Variants in GTF3C1 observed in about 807,000 individuals in gnomAD.
The protein encoded by GTF3C1 is general transcription factor 3C polypeptide 1.
In GTF3C1, 57 loss-of-function variants were observed where a neutral mutation model predicts 226.7. The ratio of observed to expected loss-of-function variants is 0.25; its 90% CI spans 0.20 to 0.31. The LOEUF (loss-of-function observed/expected upper bound fraction) is 0.31. GTF3C1 is among the 10% of genes least tolerant of loss of function. GTF3C1 has a pLI of 1.00. For synonymous variants in GTF3C1, 1,090 were observed against 1,084.8 expected, an observed-to-expected ratio of 1.00 and a Z score of -0.09; for missense variants, 2,217 against 2,776.1, an observed-to-expected ratio of 0.80 and a Z score of 4.53.
rs1406262727 is a variant in GTF3C1, at chr16:27,462,012, G to A, written c.6117+282C>T. On this transcript the variant is annotated intron_variant, in intron 36 of 36. Transcript: ENST00000356183. This position sits in a 1 kb window ranked among gnomAD's most constrained non-coding sequence, Gnocchi z 4.5. The stretch of plus-strand genomic sequence containing the variant: ...GCACCAGGGGGCAGCTGCTTGACCC[G>A]TGGGGCCCGGCGGACTCATGAGTTA... The A allele has an allele frequency of 9.0e-6, 4 of 445,894 alleles. No homozygotes were observed. Among genetic ancestry groups the A allele is most frequent in the East Asian group, 7.0e-5 (2 of 28,520 alleles). 27.6% of individuals were successfully genotyped at this position (445,894 alleles called of 1,614,324 possible). A position where few individuals can be genotyped will look rare whatever the true frequency, so the allele number is the denominator to read the frequency against.
intron 6 of GTF3C1, among the ~76,000 whole-genome samples, chr16:27,526,764 C>T (rs987581520): frequency 2.6e-5 from 4 of 152,202 alleles, no homozygotes; most frequent in Non-Finnish European, 5.9e-5. Context: ...CTCTTATATC[C>T]CTTTTCATCA....
At chr16:27,466,826 C>T (rs1416170859) in intron 32 of GTF3C1, among the ~76,000 whole-genome samples, 1 of 152,210 alleles carries the variant, frequency 6.6e-6, no homozygotes, top group Non-Finnish European at 1.5e-5. Flanking sequence ...TAGATCAAAC[C>T]AGCCACAACC....
Position 27,464,834 on chromosome 16 carries a change from G to T in GTF3C1, c.5358C>A (p.Ala1786=). ...RTRTFADCIQ[A]LLEQHQVLEV... ...CCAGCACCTGATGCTGCTCCAGGAG[G>T]GCCTGGGGAGGCAGGAGACACGCGG... The change falls in exon 34 of 37, where the codon GCC becomes GCA. Residue 1786 remains alanine (A), a splice_region_variant and synonymous_variant. Transcript: ENST00000356183. 6.7e-7 allele frequency: 1 copy of T among 1,503,718 alleles called. No individual in the cohort carries two copies. The highest frequency in any genetic ancestry group is 8.8e-7 in the Non-Finnish European group (1 of 1,135,324). 93.1% of individuals were successfully genotyped at this position (1,503,718 alleles called of 1,614,324 possible).
Position 27,492,906 on chromosome 16 carries a change from G to A in GTF3C1, c.2877-193C>T, listed in dbSNP as rs150713909. Among the ~76,000 whole-genome samples the A allele has an allele frequency of 0.012, 1,808 of 152,144 alleles. 31 individuals are homozygous for A. The highest frequency in any genetic ancestry group is 0.041 in the African/African-American group (1,712 of 41,490). ...CCTAACACCCAACCAGGGCCACAGAGATCAACCCGACACTAGGGATTTGAT... is the reference window on the plus strand; with the variant it reads ...CCTAACACCCAACCAGGGCCACAGAAATCAACCCGACACTAGGGATTTGAT... On this transcript the variant is annotated intron_variant, in intron 17 of 36. Transcript: ENST00000356183. This position sits in a 1 kb window ranked among gnomAD's most constrained non-coding sequence, Gnocchi z 5.0.
At chr16:27,519,781 C>T (rs2088717397) in intron 6 of GTF3C1, among the ~76,000 whole-genome samples, 1 of 152,140 alleles carries the variant, frequency 6.6e-6, no homozygotes, top group Admixed American at 6.5e-5. Flanking sequence ...GAAAATACTA[C>T]TGACAGGATT....
At position 27,465,277 on chromosome 16, in the gene GTF3C1, A is replaced by C. The variant is rs1483308918; in HGVS notation, c.5338T>G (p.Phe1780Val). 2.5e-6 allele frequency: 4 copies of C among 1,613,974 alleles called. No individual in the cohort carries two copies. Among genetic ancestry groups the C allele is most frequent in the African/African-American group, 2.7e-5 (2 of 74,892 alleles). Residue 1780 changes from phenylalanine (F) to valine (V), a missense_variant, in exon 33 of 37, where the codon TTC becomes GTC. Transcript: ENST00000356183. ...CAGCTCACCTGGATGCAATCTGCGA[A>C]TGTCCTGGTGCGCCCACCACCTGCC... is the stretch of plus-strand genomic sequence containing the variant. Reference protein sequence around the residue: ...EKAGGGRTRTFADCIQALLEQ... With the variant: ...EKAGGGRTRTVADCIQALLEQ...
intron 10 of GTF3C1, among the ~76,000 whole-genome samples, chr16:27,505,142 C>T (rs2088465334): frequency 6.6e-6 from 1 of 152,182 alleles, no homozygotes; most frequent in African/African-American, 2.4e-5. Flanking sequence ...ATGGGAAAGA[C>T]ATTCCTTATC....
chr16:27,481,611 C>T (rs2088049643), intron 26 of GTF3C1, among the ~76,000 whole-genome samples: 1 of 152,182 alleles, frequency 6.6e-6, no homozygotes, highest in African/African-American at 2.4e-5. Context: ...CACGGGTGGC[C>T]CCCAAATCAA....
chr16:27,527,284 C>T (rs187237975), intron 6 of GTF3C1, among the ~76,000 whole-genome samples: 92 of 152,318 alleles, frequency 6.0e-4, no homozygotes, highest in Non-Finnish European at 1.1e-3. Context: ...CAGGTTCAAG[C>T]GATTCTCCTG....
At position 27,470,199 on chromosome 16, in the gene GTF3C1, A is replaced by T. The variant is rs1237485569; in HGVS notation, c.4723T>A (p.Phe1575Ile). ...TCCACAGAAATGAGGCCCAGAGAGAAGAGGGTCAGGACGGCCACACAATTT... is the reference window on the plus strand; with the variant it reads ...TCCACAGAAATGAGGCCCAGAGAGATGAGGGTCAGGACGGCCACACAATTT... ...GGNCVAVLTL[F>I]SLGLISVDVR... The change falls in exon 31 of 37, where the codon TTC (phenylalanine) becomes ATC (isoleucine). Residue 1575 changes from phenylalanine to isoleucine, a missense_variant. Physicochemically the swap from Phe to Ile is conservative, Grantham distance 21. Coordinates refer to ENST00000356183, the MANE Select transcript of GTF3C1 (RefSeq NM_001520.4). The surrounding 1 kb of genome is among the most constrained non-coding windows in gnomAD (Gnocchi z 4.9). 4 of 1,613,504 alleles carry T rather than the reference A, an allele frequency of 2.5e-6. No individual in the cohort carries two copies. The highest frequency in any genetic ancestry group is 3.4e-6 in the Non-Finnish European group (4 of 1,179,510).
intron 8 of GTF3C1, 148 bp downstream of exon 8, chr16:27,508,392 T>C (rs997691242): frequency 1.3e-5 from 8 of 607,426 alleles, no homozygotes; most frequent in Non-Finnish European, 2.1e-5. Flanking sequence ...ATAACATGGC[T>C]ATGGACTGCA....
Position 27,495,360 on chromosome 16 carries a change from T to A in GTF3C1, c.2483A>T (p.Glu828Val). The change falls in exon 15 of 37, where the codon GAA (glutamate) becomes GTA (valine). Residue 828 changes from glutamate (E) to valine (V), a missense_variant. Around this residue, in one of 12 missense-constraint regions of GTF3C1, gnomAD observed 353 missense variants for 411.7 expected, o/e 0.86. Coordinates refer to ENST00000356183, the MANE Select transcript of GTF3C1 (RefSeq NM_001520.4). ...NTVEKPSFIS[E>V]RRTIKQESGR... The stretch of plus-strand genomic sequence containing the variant: ...TGACTCCTGCTTTATCGTTCTCCGT[T>A]CACTGATGAAGCTTGGCTTCTCCAC... 1 of 1,614,218 alleles carries A rather than the reference T, an allele frequency of 6.2e-7. No homozygotes were observed. The highest frequency in any genetic ancestry group is 8.5e-7 in the Non-Finnish European group (1 of 1,180,020).
chr16:27,516,065 G>A (rs2088653519), intron 6 of GTF3C1, among the ~76,000 whole-genome samples: 1 of 152,212 alleles, frequency 6.6e-6, no homozygotes, highest in Non-Finnish European at 1.5e-5. Context: ...GAGTTATTCT[G>A]AACAGTACCA....
chr16:27,536,534 T>C (rs545023326), intron 4 of GTF3C1, among the ~76,000 whole-genome samples: 2 of 152,322 alleles, frequency 1.3e-5, no homozygotes, highest in South Asian at 4.1e-4. Flanking sequence ...GAGGCGGACA[T>C]TTGACAGAGG....
At position 27,461,985 on chromosome 16, in the gene GTF3C1, C is replaced by T. The variant is rs2087712024; in HGVS notation, c.6117+309G>A. The T allele has an allele frequency of 5.0e-6, 2 of 403,346 alleles. No homozygotes were observed. Among genetic ancestry groups the T allele is most frequent in the African/African-American group, 2.0e-5 (1 of 50,462 alleles). The allele number at this position is 403,346 out of a possible 1,614,324, so 25.0% of individuals were successfully genotyped here. On this transcript the variant is annotated intron_variant, in intron 36 of 36. Transcript: ENST00000356183. This position sits in a 1 kb window ranked among gnomAD's most constrained non-coding sequence, Gnocchi z 5.3. ...TGGGAGTCAGCCAAGCAGGAAGCAG[C>T]TGCACCAGGGGGCAGCTGCTTGACC... is the stretch of plus-strand genomic sequence containing the variant.
chr16:27,469,215 TC>T lies in GTF3C1; in HGVS notation c.5074+75del. 2.1e-6 allele frequency: 3 copies of T among 1,432,280 alleles called. No homozygotes were observed. The highest frequency in any genetic ancestry group is 2.8e-6 in the Non-Finnish European group (3 of 1,063,410). The allele number at this position is 1,432,280 out of a possible 1,614,324, so 88.7% of individuals were successfully genotyped here. On this transcript the variant is annotated intron_variant, in intron 32 of 36. Coordinates refer to ENST00000356183, the MANE Select transcript of GTF3C1 (RefSeq NM_001520.4). The surrounding 1 kb of genome is among the most constrained non-coding windows in gnomAD (Gnocchi z 4.5). ...GGCCTGGGGAGCCTGAAGGTCTAGG[TC>T]CCAGGCCAGGCCTCAGGGTCTTCCT...
At chr16:27,490,883 A>T (rs1173678802) in intron 19 of GTF3C1, among the ~76,000 whole-genome samples, 1 of 152,166 alleles carries the variant, frequency 6.6e-6, no homozygotes, top group Non-Finnish European at 1.5e-5. Context: ...TCAATGCCTG[A>T]TTACTGGGGC....
At chr16:27,529,124 G>GA (rs897458152) in intron 5 of GTF3C1, among the ~76,000 whole-genome samples, 7 of 151,396 alleles carry the variant, frequency 4.6e-5, no homozygotes, top group African/African-American at 1.2e-4. Context: ...GGGCAGGAGA[G>GA]AAAAAAAAGG....
chr16:27,527,463 G>A (rs1268698553), intron 6 of GTF3C1, among the ~76,000 whole-genome samples: 6 of 152,156 alleles, frequency 3.9e-5, no homozygotes, highest in African/African-American at 9.7e-5. Flanking sequence ...GATTACAGGC[G>A]TGAGCCACCG....
Sources: gnomAD v4.1 joint callset for allele counts (sites outside exome capture counted in the v4.1 genomes callset) on GRCh38, gnomAD v4.1.1 for gene constraint, gnomAD v4.1.1 regional missense constraint, Gnocchi (gnomAD v3.1) non-coding constraint, MANE v1.5 for transcripts, NCBI Gene and HGNC (gene_info 2026-07-23, HGNC 2026-07-21) for gene names.